Variants in THBS4 observed in about 807,000 individuals in gnomAD.
THBS4 encodes the protein thrombospondin 4.
Under a neutral mutation model 115.7 loss-of-function variants are expected in THBS4, and 90 were observed. That is an observed-to-expected ratio of 0.78 (90% CI 0.66 to 0.93). THBS4 has a LOEUF of 0.93. THBS4 is among the 40% of genes least tolerant of loss of function. THBS4 has a pLI of 0.00. For synonymous variants in THBS4, 460 were observed against 479.3 expected (o/e 0.96, Z 0.53); for missense variants, 1,087 against 1,232.7 (o/e 0.88, Z 1.77).
At chr5:80,078,560 T>C (rs1743332072) in intron 17 of THBS4, among the ~76,000 whole-genome samples, 1 of 152,180 alleles carries the variant, frequency 6.6e-6, no homozygotes. Context: ...ATCCTCCTCA[T>C]TGTGTAACTA....
intron 15 of THBS4, 56 bp from the exon 16 acceptor site, chr5:80,076,798 GA>G: frequency 7.2e-7 from 1 of 1,382,494 alleles, no homozygotes; most frequent in Non-Finnish European, 9.5e-7. Flanking sequence ...CCTAAAAATG[GA>G]TCCTTCCTGT....
intron 1 of THBS4, among the ~76,000 whole-genome samples, chr5:79,995,001 T>C (rs1159085004): frequency 6.6e-6 from 1 of 152,168 alleles, no homozygotes; most frequent in Non-Finnish European, 1.5e-5. Flanking sequence ...GCATTGCATA[T>C]GGGCTGTGCT....
chr5:80,053,225 C>G (rs906447356), intron 2 of THBS4: 9 of 151,804 alleles, frequency 5.9e-5, no homozygotes, highest in African/African-American at 2.2e-4. Flanking sequence ...TTTTACTTAA[C>G]AAAATACTGG....
chr5:80,030,928 G>A (rs1039386447), upstream of THBS4, among the ~76,000 whole-genome samples: 1 of 152,180 alleles, frequency 6.6e-6, no homozygotes, highest in Non-Finnish European at 1.5e-5. Flanking sequence ...TAACACATAT[G>A]TATAAAACTT....
chr5:80,025,676 G>A (rs908336749), intron 2 of THBS4, among the ~76,000 whole-genome samples: 2 of 152,286 alleles, frequency 1.3e-5, no homozygotes, highest in East Asian at 3.9e-4. Flanking sequence ...AAAGGAATCA[G>A]TGCTCAAAAC....
chr5:79,999,943 T>A (rs1831864430), intron 2 of THBS4, among the ~76,000 whole-genome samples: 1 of 152,184 alleles, frequency 6.6e-6, no homozygotes, highest in Non-Finnish European at 1.5e-5. Flanking sequence ...CAGGGTCCAA[T>A]GAGTTTGAAA....
chr5:79,998,525 A>G (rs770849510), intron 2 of THBS4: 1 of 152,342 alleles, frequency 6.6e-6, no homozygotes, highest in Non-Finnish European at 1.5e-5. Flanking sequence ...CCTTATAAGG[A>G]AAAAGAGACA....
chr5:80,036,052 G>C, intron 1 of THBS4: 1 of 992,740 alleles, frequency 1.0e-6, no homozygotes, highest in South Asian at 4.7e-5. Flanking sequence ...GTCTGCTCTT[G>C]ACATCCCTGA....
chr5:80,035,479 C>G lies in THBS4; in HGVS notation c.-59C>G. On this transcript the variant is annotated 5_prime_UTR_variant, in exon 1 of 22. Coordinates refer to ENST00000350881, the MANE Select transcript of THBS4 (RefSeq NM_003248.6). This position sits in a 1 kb window ranked among gnomAD's most constrained non-coding sequence, Gnocchi z 4.6. ...AGGTTCAACGCACGGCCCGGGGACC[C>G]CCAGGCGGGGCCAACGCCGCCGTCG... The G allele has an allele frequency of 8.2e-7, 1 of 1,221,064 alleles. No homozygotes were observed. Among genetic ancestry groups the G allele is most frequent in the East Asian group, 3.2e-5 (1 of 31,280 alleles). 75.6% of individuals were successfully genotyped at this position (1,221,064 alleles called of 1,614,324 possible).
rs530969801 is a variant in THBS4 at position 80,071,406 on chromosome 5, T to G, written c.1720+226T>G. 7.3e-4 allele frequency among the ~76,000 whole-genome samples: 111 copies of G among 152,236 alleles called. 1 individual carries two copies. The highest frequency in any genetic ancestry group is 1.4e-3 in the Non-Finnish European group (98 of 68,016). On this transcript the variant is annotated intron_variant, in intron 13 of 21. Transcript: ENST00000350881. Reference sequence around the variant, plus strand: ...GGATGTTTCCAGGACTCTGTATCATTGCCAGAAACTTTGTATGACCCCTTC... The same window carrying G: ...GGATGTTTCCAGGACTCTGTATCATGGCCAGAAACTTTGTATGACCCCTTC...
chr5:80,048,947 A>G (rs1833164174), intron 2 of THBS4, among the ~76,000 whole-genome samples: 1 of 152,228 alleles, frequency 6.6e-6, no homozygotes, highest in Non-Finnish European at 1.5e-5. Context: ...AAGATTGACA[A>G]TGATGGCTTC....
chr5:80,006,006 C>G (rs1041880353), intron 2 of THBS4, among the ~76,000 whole-genome samples: 1 of 152,034 alleles, frequency 6.6e-6, no homozygotes, highest in African/African-American at 2.4e-5. Flanking sequence ...ACCTCGTGAT[C>G]CACTTTCCTC....
Position 80,078,246 on chromosome 5 carries a change from G to A in THBS4, c.2265+19G>A, listed in dbSNP as rs369693987. On this transcript the variant is annotated intron_variant, in intron 17 of 21. Coordinates refer to ENST00000350881, the MANE Select transcript of THBS4 (RefSeq NM_003248.6). ...GAACCAGGTGAGTGTCACATGGGCG[G>A]CAATGGCTCAGCCTTGCCTCTCAAC... The A allele has an allele frequency of 1.9e-6, 3 of 1,553,394 alleles. No homozygotes were observed. The highest frequency in any genetic ancestry group is 2.6e-6 in the Non-Finnish European group (3 of 1,140,428).
intron 2 of THBS4, chr5:80,019,698 G>A: frequency 5.1e-6 from 1 of 196,376 alleles, no homozygotes; most frequent in East Asian, 1.2e-4. Context: ...TAGCCCTCTG[G>A]GCTTGGGATG....
chr5:80,042,098 C>A (rs1280785696), intron 2 of THBS4, among the ~76,000 whole-genome samples: 2 of 152,166 alleles, frequency 1.3e-5, no homozygotes, highest in African/African-American at 4.8e-5. Context: ...CATAGCCTGT[C>A]AGGGGCCTTG....
intron 15 of THBS4, among the ~76,000 whole-genome samples, chr5:80,073,920 A>T (rs1561326414): frequency 6.6e-6 from 1 of 152,198 alleles, no homozygotes; most frequent in Non-Finnish European, 1.5e-5. Flanking sequence ...TGGGCTCTGG[A>T]ATAAGACAGC....
At position 80,059,421 on chromosome 5, in the gene THBS4, C is replaced by T; in HGVS notation, c.733-19C>T. ...AGGCATTCCTTTTCAATCCTTTTTT[C>T]CCCTTCTCATTTTTAAAGGTTAAGG... On this transcript the variant is annotated intron_variant, in intron 5 of 21. Coordinates refer to ENST00000350881, the MANE Select transcript of THBS4 (RefSeq NM_003248.6). The T allele has an allele frequency of 6.2e-7, 1 of 1,610,948 alleles. No homozygotes were observed. The highest frequency in any genetic ancestry group is 8.5e-7 in the Non-Finnish European group (1 of 1,178,460).
chr5:80,073,161 G>T, intron 14 of THBS4, 114 bp from the exon 15 acceptor site: 1 of 1,091,260 alleles, frequency 9.2e-7, no homozygotes. Flanking sequence ...GCACCACCCC[G>T]GTTCCAGAGA....
At chr5:80,062,021 G>A (rs901677576) in intron 8 of THBS4, among the ~76,000 whole-genome samples, 189 bp downstream of exon 8, 1 of 152,174 alleles carries the variant, frequency 6.6e-6, no homozygotes, top group Non-Finnish European at 1.5e-5. Context: ...AAATCTAGAA[G>A]GGAGGAAGCT....
Sources: gnomAD v4.1 joint callset for allele counts (sites outside exome capture counted in the v4.1 genomes callset) on GRCh38, gnomAD v4.1.1 for gene constraint, Gnocchi (gnomAD v3.1) non-coding constraint, MANE v1.5 for transcripts, NCBI Gene and HGNC (gene_info 2026-07-23, HGNC 2026-07-21) for gene names.